Variants in PHACTR1 observed in about 807,000 individuals in gnomAD.
PHACTR1 encodes the protein RPEL repeat containing 1.
In PHACTR1, 16 loss-of-function variants were observed where a neutral mutation model predicts 69.2. The ratio of observed to expected loss-of-function variants is 0.23; its 90% CI spans 0.16 to 0.35. The LOEUF (loss-of-function observed/expected upper bound fraction) is 0.35. Ranked by LOEUF, PHACTR1 falls within the 10% of genes least tolerant of loss-of-function variation. The pLI is 1.00. For missense variants in PHACTR1, 510 were observed against 734.7 expected (o/e 0.69, Z 3.54); for synonymous variants, 312 against 284.5 (o/e 1.10, Z -0.97).
chr6:12,879,145 C>T (rs1323019450), intron 4 of PHACTR1, among the ~76,000 whole-genome samples: 3 of 152,110 alleles, frequency 2.0e-5, no homozygotes, highest in South Asian at 2.1e-4. Flanking sequence ...TTGCTGGAGG[C>T]GATGAAAATT....
chr6:13,263,818 A>T (rs1776251680), intron 10 of PHACTR1, among the ~76,000 whole-genome samples: 1 of 152,228 alleles, frequency 6.6e-6, no homozygotes, highest in South Asian at 2.1e-4. Flanking sequence ...TCTTGGAGTT[A>T]GCAGCTCCTT....
chr6:13,009,866 A>G (rs901374925), intron 4 of PHACTR1, among the ~76,000 whole-genome samples: 30 of 146,406 alleles, frequency 2.0e-4, no homozygotes, highest in Admixed American at 1.4e-3. Context: ...CACTGCCACC[A>G]CCACCACCAC....
At position 12,765,850 on chromosome 6, in the gene PHACTR1, GCCT is replaced by G. The variant is rs369279228; in HGVS notation, c.250+16066_250+16068del. On this transcript the variant is annotated intron_variant, in intron 4 of 14. Transcript: ENST00000332995. ...TTTCCTCATCAATATTCAACTCATG[GCCT>G]CCTCCCAAGTGACTTCCTAGACATG... is the stretch of plus-strand genomic sequence containing the variant. 6.3e-3 allele frequency among the ~76,000 whole-genome samples: 960 copies of G among 152,218 alleles called. 13 individuals carry two copies. The highest frequency in any genetic ancestry group is 0.022 in the African/African-American group (922 of 41,534).
chr6:13,192,043 G>A (rs1274263703), intron 7 of PHACTR1, among the ~76,000 whole-genome samples: 2 of 152,216 alleles, frequency 1.3e-5, no homozygotes, highest in Non-Finnish European at 2.9e-5. Context: ...TGTTAGGTTG[G>A]AGATTTAATT....
chr6:13,055,161 C>T (rs1262962158), intron 5 of PHACTR1, among the ~76,000 whole-genome samples: 1 of 152,106 alleles, frequency 6.6e-6, no homozygotes, highest in Non-Finnish European at 1.5e-5. Flanking sequence ...GAAGCCCCAC[C>T]ATCCTGATGT....
At chr6:13,061,232 G>T (rs1807635496) in intron 5 of PHACTR1, among the ~76,000 whole-genome samples, 1 of 152,084 alleles carries the variant, frequency 6.6e-6, no homozygotes, top group Non-Finnish European at 1.5e-5. Context: ...ATCTATTTCA[G>T]ATATCCTTCA....
chr6:13,235,046 T>C (rs1771783763), intron 10 of PHACTR1, among the ~76,000 whole-genome samples: 2 of 152,222 alleles, frequency 1.3e-5, no homozygotes, highest in Non-Finnish European at 2.9e-5. Flanking sequence ...CTGTGTCTTA[T>C]ACATAAAGGA....
rs1780547058 is a variant in PHACTR1 at position 13,282,675 on chromosome 6, C to G, written c.1510-747C>G. 2.0e-5 allele frequency among the ~76,000 whole-genome samples: 3 copies of G among 152,112 alleles called. No homozygotes were observed. The South Asian group carries it at 6.2e-4, about 31-fold the overall frequency. ...TACCATTTGCACATACGCTTTTTTG[C>G]ATCTAAAACCCACACAAAATGCACT... On this transcript the variant is annotated intron_variant, in intron 12 of 14. Transcript: ENST00000332995.
At chr6:13,095,467 T>G (rs1417648036) in intron 5 of PHACTR1, among the ~76,000 whole-genome samples, 3 of 152,218 alleles carry the variant, frequency 2.0e-5, no homozygotes, top group Non-Finnish European at 4.4e-5. Flanking sequence ...ACGTGGTCTC[T>G]ACCTAGCAGA....
intron 4 of PHACTR1, among the ~76,000 whole-genome samples, chr6:12,907,223 A>G (rs1785841154): frequency 6.6e-6 from 1 of 152,302 alleles, no homozygotes; most frequent in Middle Eastern, 3.4e-3. Flanking sequence ...TGTCTGGGCA[A>G]CTCTTAGAAG....
At chr6:13,026,718 C>G (rs1266470535) in intron 4 of PHACTR1, among the ~76,000 whole-genome samples, 5 of 151,958 alleles carry the variant, frequency 3.3e-5, no homozygotes, top group Admixed American at 6.6e-5. Context: ...CAGAGGGAGC[C>G]CTAGAGCTAG....
chr6:12,866,791 G>A (rs577424743), intron 4 of PHACTR1, among the ~76,000 whole-genome samples: 2 of 152,322 alleles, frequency 1.3e-5, no homozygotes, highest in East Asian at 1.9e-4. Context: ...TAGATGGGAG[G>A]TATTTTCAGC....
chr6:13,070,961 C>T (rs1425736314), intron 5 of PHACTR1, among the ~76,000 whole-genome samples: 1 of 146,990 alleles, frequency 6.8e-6, no homozygotes, highest in Non-Finnish European at 1.5e-5. Flanking sequence ...ACTTGTTTGA[C>T]TAAAACAAAT....
chr6:13,280,785 G>A (rs1041491743), intron 12 of PHACTR1: 12 of 400,368 alleles, frequency 3.0e-5, no homozygotes, highest in East Asian at 7.5e-5. Context: ...TTGGGAGGCC[G>A]AGGCGGGCCT....
intron 4 of PHACTR1, among the ~76,000 whole-genome samples, chr6:12,915,578 C>G (rs996827436): frequency 6.6e-6 from 1 of 150,414 alleles, no homozygotes; most frequent in Non-Finnish European, 1.5e-5. Context: ...CCCTCCAGTA[C>G]CCTCCATGGA....
chr6:12,805,372 C>T (rs868112948), intron 4 of PHACTR1, among the ~76,000 whole-genome samples: 10 of 152,134 alleles, frequency 6.6e-5, no homozygotes, highest in Admixed American at 2.0e-4. Flanking sequence ...TCTAGAAGTG[C>T]GACACGTTTG....
chr6:12,896,005 G>A (rs577892246), intron 4 of PHACTR1, among the ~76,000 whole-genome samples: 4 of 152,302 alleles, frequency 2.6e-5, no homozygotes, highest in African/African-American at 7.2e-5. Context: ...AACACATGAT[G>A]CCATGTATAT....
intron 4 of PHACTR1, among the ~76,000 whole-genome samples, chr6:12,756,673 A>T (rs981686709): frequency 6.6e-6 from 1 of 152,262 alleles, no homozygotes; most frequent in Admixed American, 6.5e-5. Flanking sequence ...CTAGCAATTC[A>T]GCAGCAGAAT....
intron 4 of PHACTR1, among the ~76,000 whole-genome samples, chr6:12,750,991 T>TGG (rs199891883): frequency 0.013 from 2,027 of 152,240 alleles, 36 homozygotes; most frequent in South Asian, 0.074. Context: ...TGTGTGTGTG[T>TGG]GTGCGCGTGC....
Sources: allele counts gnomAD v4.1 joint callset (sites outside exome capture counted in the v4.1 genomes callset), GRCh38; gene constraint gnomAD v4.1.1; transcripts MANE v1.5; gene names NCBI Gene and HGNC (gene_info 2026-07-23, HGNC 2026-07-21).